The following RCSD1 variants were observed in gnomAD, a reference collection of about 807,000 sequenced individuals.
RCSD1 encodes RCSD domain containing 1.
In RCSD1, 26 loss-of-function variants were observed where a neutral mutation model predicts 42.5. That is an observed-to-expected ratio of 0.61 (90% CI 0.45 to 0.85). The LOEUF is 0.85. RCSD1 is among the 40% of genes least tolerant of loss of function. RCSD1 has a pLI of 0.00. For synonymous variants in RCSD1, 220 were observed against 212.2 expected, an observed-to-expected ratio of 1.04 and a Z score of -0.32; for missense variants, 571 against 528.3, an observed-to-expected ratio of 1.08 and a Z score of -0.79.
At chr1:167,671,527 C>A (rs1658806204) in intron 1 of RCSD1, among the ~76,000 whole-genome samples, 1 of 152,222 alleles carries the variant, frequency 6.6e-6, no homozygotes, top group South Asian at 2.1e-4. Flanking sequence ...ATTCCCTTGG[C>A]AGATCCAGAC....
In RCSD1 at chr1:167,656,247, C is replaced by T. The variant is rs535327037; in HGVS notation, c.6+25818C>T. On this transcript the variant is annotated intron_variant, in intron 1 of 6. Transcript: ENST00000367854. ...GAACCCAGGTCTTTTCAACCTGTCT[C>T]GAGTTCTATGACATAATCCTCCCTA... Among the ~76,000 whole-genome samples the T allele has an allele frequency of 7.2e-5, 11 of 152,176 alleles. No homozygotes were observed. The South Asian group carries it at 1.5e-3, about 20-fold the overall frequency.
intron 1 of RCSD1, among the ~76,000 whole-genome samples, chr1:167,643,829 T>C (rs1192315745): frequency 6.6e-6 from 1 of 152,268 alleles, no homozygotes; most frequent in African/African-American, 2.4e-5. Context: ...ATGTAATTGT[T>C]TATTGATTAA....
chr1:167,687,131 G>C (rs1388653378), intron 3 of RCSD1, among the ~76,000 whole-genome samples: 2 of 152,214 alleles, frequency 1.3e-5, no homozygotes, highest in African/African-American at 4.8e-5. Context: ...GGCTGGTTAA[G>C]TCCAAGGGCG....
At chr1:167,648,652 C>T (rs142544770) in intron 1 of RCSD1, among the ~76,000 whole-genome samples, 1 of 152,158 alleles carries the variant, frequency 6.6e-6, no homozygotes, top group Non-Finnish European at 1.5e-5. Flanking sequence ...TGGTAGTTCC[C>T]GCTGGAGCAG....
At chr1:167,668,399 A>G (rs1658713772) in intron 1 of RCSD1, among the ~76,000 whole-genome samples, 1 of 151,608 alleles carries the variant, frequency 6.6e-6, no homozygotes, top group Non-Finnish European at 1.5e-5. Flanking sequence ...GCCCTTGGCT[A>G]CCTCTGGCCA....
chr1:167,660,749 C>T (rs1437086007), intron 1 of RCSD1, among the ~76,000 whole-genome samples: 1 of 152,204 alleles, frequency 6.6e-6, no homozygotes, highest in African/African-American at 2.4e-5. Context: ...GCTGGGATTT[C>T]AGGTGTGAGC....
At chr1:167,675,071 T>C (rs1658908130) in intron 1 of RCSD1, among the ~76,000 whole-genome samples, 1 of 151,794 alleles carries the variant, frequency 6.6e-6, no homozygotes, top group South Asian at 2.1e-4. Flanking sequence ...CTGGGCCTGG[T>C]GGCACGTGCC....
Position 167,697,411 on chromosome 1 carries a change from A to G in RCSD1, c.787A>G (p.Lys263Glu). 1 of 1,613,346 alleles carries G rather than the reference A, an allele frequency of 6.2e-7. No individual in the cohort carries two copies. The highest frequency in any genetic ancestry group is 2.2e-5 in the East Asian group (1 of 44,830). The stretch of plus-strand genomic sequence containing the variant: ...CACAGAGGAAGCCAAGAACGGTGAA[A>G]AGGCCAGGCGGAGTTCAGAGGAGGT... ...RATEEAKNGEKARRSSEEVDG... is the reference protein window; with the variant it reads ...RATEEAKNGEEARRSSEEVDG... Residue 263 changes from lysine (K) to glutamate (E), a missense_variant, in exon 6 of 7, where the codon AAG becomes GAG. Physicochemically the swap from Lys to Glu is moderately conservative, Grantham distance 56 (BLOSUM62 1). Coordinates refer to ENST00000367854, the MANE Select transcript of RCSD1 (RefSeq NM_052862.4).
intron 1 of RCSD1, among the ~76,000 whole-genome samples, chr1:167,646,511 CT>C (rs1558074032): frequency 1.3e-4 from 1 of 7,942 alleles, no homozygotes; most frequent in African/African-American, 1.2e-3. Context: ...AGTTTTTTTT[CT>C]TTTTCTTTTT....
At position 167,705,539 on chromosome 1, in the gene RCSD1, T is replaced by C. The variant is rs910399046; in HGVS notation, c.*843T>C. 1.1e-4 allele frequency: 16 copies of C among 152,242 alleles called. No homozygotes were observed. Among genetic ancestry groups the C allele is most frequent in the African/African-American group, 3.9e-4 (16 of 41,456 alleles). 9.4% of individuals were successfully genotyped at this position (152,242 alleles called of 1,614,324 possible). On this transcript the variant is annotated 3_prime_UTR_variant, in exon 7 of 7. Transcript: ENST00000367854. ...AAGAAAAGCAGTGATACCTGAATAA[T>C]GCTGGCTCTCCGATTGATCCTGTGA...
intron 1 of RCSD1, among the ~76,000 whole-genome samples, chr1:167,647,130 C>CACAAAAAAAAAA (rs1658176482): frequency 8.9e-6 from 1 of 112,556 alleles, no homozygotes; most frequent in Non-Finnish European, 1.7e-5. Flanking sequence ...AACTCCATCT[C>CACAAAAAAAAAA]AAAAAAAAAG....
At chr1:167,643,926 G>A (rs981239893) in intron 1 of RCSD1, among the ~76,000 whole-genome samples, 4 of 152,180 alleles carry the variant, frequency 2.6e-5, no homozygotes, top group Admixed American at 2.0e-4. Context: ...TGGACAAGAG[G>A]ACATCTGAAG....
intron 1 of RCSD1, among the ~76,000 whole-genome samples, chr1:167,666,026 G>A (rs554012573): frequency 2.4e-4 from 37 of 152,290 alleles, no homozygotes; most frequent in African/African-American, 8.9e-4. Context: ...TTGCCAGGCT[G>A]TTCTCAAACT....
chr1:167,702,794 C>T (rs1043213402), intron 6 of RCSD1, among the ~76,000 whole-genome samples: 1 of 144,590 alleles, frequency 6.9e-6, no homozygotes, highest in Non-Finnish European at 1.5e-5. Context: ...AAAATAAATA[C>T]ATAAATACAT....
intron 3 of RCSD1, among the ~76,000 whole-genome samples, chr1:167,687,498 G>A (rs925897317): frequency 6.6e-6 from 1 of 151,448 alleles, no homozygotes; most frequent in African/African-American, 2.4e-5. Flanking sequence ...ACTCCAGCCT[G>A]GGTGACACAG....
chr1:167,662,620 G>A (rs575971193), intron 1 of RCSD1, among the ~76,000 whole-genome samples: 11 of 152,254 alleles, frequency 7.2e-5, no homozygotes, highest in East Asian at 3.9e-4. Context: ...TCGAAAGAAC[G>A]GCTGGCCTCA....
At chr1:167,642,111 C>G (rs1411624950) in intron 1 of RCSD1, 1 of 152,164 alleles carries the variant, frequency 6.6e-6, no homozygotes, top group South Asian at 2.1e-4. Context: ...TTGGAAGGTT[C>G]CTAACTATCC....
intron 3 of RCSD1, 117 bp from the exon 4 acceptor site, chr1:167,689,932 T>TG: frequency 1.1e-6 from 1 of 928,396 alleles, no homozygotes; most frequent in South Asian, 1.5e-5. Context: ...ACTGAACTAA[T>TG]GAGAAAGTGG....
At position 167,707,700 on chromosome 1, in the gene RCSD1, G is replaced by A. The variant is rs947026851; in HGVS notation, c.*3004G>A. 6.6e-6 allele frequency among the ~76,000 whole-genome samples: 1 copy of A among 150,998 alleles called. No individual in the cohort carries two copies. Among genetic ancestry groups the A allele is most frequent in the African/African-American group, 2.4e-5 (1 of 40,946 alleles). On this transcript the variant is annotated 3_prime_UTR_variant, in exon 7 of 7. Transcript: ENST00000367854. ...TTTTTTGAATGAGACAGAGTCTCGC[G>A]CTGTCACTCAGGCTGGAGTGCAGTG...
Sources: allele counts gnomAD v4.1 joint callset (sites outside exome capture counted in the v4.1 genomes callset), GRCh38; gene constraint gnomAD v4.1.1; transcripts MANE v1.5; gene names NCBI Gene and HGNC (gene_info 2026-07-23, HGNC 2026-07-21).